ANKRD24: variants seen among roughly 807,000 people sequenced by gnomAD.
ANKRD24 encodes ankyrin repeat domain-containing protein 24.
Under a neutral mutation model 127.8 loss-of-function variants are expected in ANKRD24, and 109 were observed. That is an observed-to-expected ratio of 0.85 (90% CI 0.73 to 1.00). The LOEUF is 1.00. ANKRD24 is among the 50% of genes least tolerant of loss of function. The probability of loss-of-function intolerance (pLI) is 0.00; values close to 1 mark genes in which losing one functional copy is unlikely to be tolerated. For missense variants in ANKRD24, 1,648 were observed against 1,570.2 expected, an observed-to-expected ratio of 1.05 and a Z score of -0.84; for synonymous variants, 743 against 671.1, an observed-to-expected ratio of 1.11 and a Z score of -1.66.
chr19:4,221,063 C>G (rs1174258676), intron 19 of ANKRD24, among the ~76,000 whole-genome samples: 2 of 151,888 alleles, frequency 1.3e-5, no homozygotes, highest in Non-Finnish European at 2.9e-5. Context: ...GCCATCATGC[C>G]TGGCTAATTT....
intron 7 of ANKRD24, among the ~76,000 whole-genome samples, chr19:4,203,172 C>T (rs145126111): frequency 1.3e-5 from 2 of 151,802 alleles, no homozygotes; most frequent in Non-Finnish European, 2.9e-5. Flanking sequence ...CTCAGCCTCC[C>T]GAGTAGCTGG....
rs1377519693 is a variant in ANKRD24 at position 4,198,186 on chromosome 19, C to G, written c.37-1497C>G. On this transcript the variant is annotated intron_variant, in intron 2 of 21. Transcript: ENST00000318934. This position sits in a 1 kb window ranked among gnomAD's most constrained non-coding sequence, Gnocchi z 6.1. ...GGTGAGGGAGCCGGGCCCCCGGCGC[C>G]GCGTCCTCCTCATCCTCCAGGCGAC... 1 of 571,820 alleles carries G rather than the reference C, an allele frequency of 1.7e-6. No homozygotes were observed. Among genetic ancestry groups the G allele is most frequent in the East Asian group, 3.4e-5 (1 of 29,300 alleles). The allele number at this position is 571,820 out of a possible 1,614,324, so 35.4% of individuals were successfully genotyped here. A position where few individuals can be genotyped will look rare whatever the true frequency, so the allele number is the denominator to read the frequency against.
In ANKRD24 at chr19:4,207,851, C is replaced by T. The variant is rs770312302; in HGVS notation, c.715C>T (p.Gln239Ter). 12 of 1,564,658 alleles carry T rather than the reference C, an allele frequency of 7.7e-6. No individual in the cohort carries two copies. Among genetic ancestry groups the T allele is most frequent in the African/African-American group, 6.9e-5 (5 of 72,862 alleles). Residue 239 changes from glutamine to a stop codon, truncating the protein, a stop_gained, in exon 10 of 22, where the codon CAG becomes TAG. Coordinates refer to ENST00000318934, the MANE Select transcript of ANKRD24 (RefSeq NM_001393985.1). LOFTEE classifies it high-confidence loss of function. ...TVEVLLQGGA[Q>*]PGITDALGQD... is the part of the protein sequence containing the mutation. ...GGAGGTCCTGCTGCAGGGCGGAGCC[C>T]AGCCGGGCATCACCGATGCGCTGGG...
At chr19:4,200,529 T>G (rs540614188) in intron 5 of ANKRD24, among the ~76,000 whole-genome samples, 2 of 151,812 alleles carry the variant, frequency 1.3e-5, no homozygotes, top group African/African-American at 2.4e-5. Context: ...TTTTCTTTTT[T>G]GGGGGGAGGG....
chr19:4,202,111 A>T, intron 6 of ANKRD24, 21 bp downstream of exon 6: 1 of 1,611,156 alleles, frequency 6.2e-7, no homozygotes, highest in Non-Finnish European at 8.5e-7. Context: ...GTCTTATCTC[A>T]GCTACTCCCT....
rs764184826 is a variant in ANKRD24 at position 4,202,931 on chromosome 19, G to A, written c.466+5G>A. The A allele has an allele frequency of 7.7e-6, 12 of 1,564,552 alleles. No homozygotes were observed. The highest frequency in any genetic ancestry group is 1.4e-5 in the African/African-American group (1 of 73,554). On this transcript the variant is annotated splice_donor_5th_base_variant and intron_variant, in intron 7 of 21. Transcript: ENST00000318934. The stretch of plus-strand genomic sequence containing the variant: ...GGACTGCCCTACACCATGCAGGTGG[G>A]TGCAGCCCAGCCCTGCCCTGACCCC...
chr19:4,188,573 G>C (rs1968199870), intron 2 of ANKRD24, among the ~76,000 whole-genome samples: 1 of 151,624 alleles, frequency 6.6e-6, no homozygotes, highest in Non-Finnish European at 1.5e-5. Flanking sequence ...GTACAGATGG[G>C]GTGTAGCTGT....
chr19:4,186,583 G>A lies in ANKRD24; in HGVS notation c.36+122G>A, dbSNP rs190678058. On this transcript the variant is annotated intron_variant, in intron 2 of 21. Coordinates refer to ENST00000318934, the MANE Select transcript of ANKRD24 (RefSeq NM_001393985.1). ...CACCTCTTCTCCTTTCCTCTCTGCTGCCCCCTAGCGTCATGACCTCCCCAC... is the reference window on the plus strand; with the variant it reads ...CACCTCTTCTCCTTTCCTCTCTGCTACCCCCTAGCGTCATGACCTCCCCAC... 3.2e-3 allele frequency: 3,710 copies of A among 1,156,974 alleles called. 4 individuals carry two copies. The highest frequency in any genetic ancestry group is 4.5e-3 in the Middle Eastern group (23 of 5,064). 71.7% of individuals were successfully genotyped at this position (1,156,974 alleles called of 1,614,324 possible).
At chr19:4,208,921 A>G (rs1969542277) in intron 11 of ANKRD24, 120 bp downstream of exon 11, 3 of 1,086,384 alleles carry the variant, frequency 2.8e-6, no homozygotes, top group Admixed American at 4.6e-5. Flanking sequence ...TTTGGAAAGA[A>G]TGCTACCTTC....
At chr19:4,194,136 A>G (rs74254911) in intron 2 of ANKRD24, among the ~76,000 whole-genome samples, 17,258 of 152,038 alleles carry the variant, frequency 0.11, 1,422 homozygotes, top group East Asian at 0.36. Flanking sequence ...AAAAAACTTT[A>G]TTTATGGACA....
At position 4,202,098 on chromosome 19, in the gene ANKRD24, A is replaced by G; in HGVS notation, c.408+8A>G. Reference sequence around the variant, plus strand: ...TTGAAGCAACTACTGCAGGTCATTTACTGTCTTATCTCAGCTACTCCCTTG... The same window carrying G: ...TTGAAGCAACTACTGCAGGTCATTTGCTGTCTTATCTCAGCTACTCCCTTG... On this transcript the variant is annotated splice_region_variant and intron_variant, in intron 6 of 21. Transcript: ENST00000318934. 1 of 1,613,534 alleles carries G rather than the reference A, an allele frequency of 6.2e-7. No individual in the cohort carries two copies. The highest frequency in any genetic ancestry group is 8.5e-7 in the Non-Finnish European group (1 of 1,179,580).
Position 4,222,720 on chromosome 19 carries a change from G to A in ANKRD24, c.3222G>A (p.Glu1074=), listed in dbSNP as rs759223835. ...TCAATCTTAAGGAAGCCTTGAAGGAGCAGCCGGCCGCCCTCGCCACCCCTG... is the reference window on the plus strand; with the variant it reads ...TCAATCTTAAGGAAGCCTTGAAGGAACAGCCGGCCGCCCTCGCCACCCCTG... The part of the protein sequence containing the change: ...EVFNLKEALK[E]QPAALATPEV... Residue 1074 remains glutamate (E), a synonymous_variant, in exon 20 of 22, where the codon GAG becomes GAA. Transcript: ENST00000318934. 4 of 1,612,360 alleles carry A rather than the reference G, an allele frequency of 2.5e-6. No homozygotes were observed. Among genetic ancestry groups the A allele is most frequent in the Admixed American group, 1.7e-5 (1 of 59,834 alleles).
chr19:4,209,424 T>G (rs111291183), intron 11 of ANKRD24, among the ~76,000 whole-genome samples: 9,064 of 148,476 alleles, frequency 0.061, 768 homozygotes, highest in African/African-American at 0.2. Flanking sequence ...CTAGTTTTTT[T>G]TTTTTGTTGT....
chr19:4,198,543 G>A lies in ANKRD24; in HGVS notation c.37-1140G>A, dbSNP rs1968903685. 3.5e-6 allele frequency: 2 copies of A among 569,842 alleles called. No individual in the cohort carries two copies. Among genetic ancestry groups the A allele is most frequent in the Non-Finnish European group, 6.3e-6 (2 of 317,928 alleles). The allele number at this position is 569,842 out of a possible 1,614,324, so 35.3% of individuals were successfully genotyped here. A position where few individuals can be genotyped will look rare whatever the true frequency, so the allele number is the denominator to read the frequency against. On this transcript the variant is annotated intron_variant, in intron 2 of 21. Transcript: ENST00000318934. This position sits in a 1 kb window ranked among gnomAD's most constrained non-coding sequence, Gnocchi z 6.1. ...GCCGCCTCCTTCGCGGTAGGGCCCG[G>A]GGAGGGGGCGCAGGAGCGGGCGGGG...
intron 1 of ANKRD24, among the ~76,000 whole-genome samples, chr19:4,184,599 C>T (rs917343205): frequency 5.3e-5 from 8 of 152,198 alleles, no homozygotes; most frequent in African/African-American, 1.9e-4. Flanking sequence ...ATTTAGCAGG[C>T]GTTTCTCCCT....
rs1970104383 is a variant in ANKRD24 at position 4,216,817 on chromosome 19, G to A, written c.1657G>A (p.Glu553Lys). The A allele has an allele frequency of 1.9e-6, 3 of 1,606,672 alleles. No homozygotes were observed. Among genetic ancestry groups the A allele is most frequent in the South Asian group, 2.2e-5 (2 of 89,812 alleles). ...GGAGCTAAATGGCTCAGTGGCTCCA[G>A]AAACCAAAGTTAACGGAGCCGAGAC... ...HMELNGSVAP[E>K]TKVNGAETID... The change falls in exon 18 of 22, where the codon GAA becomes AAA. Residue 553 changes from glutamate (E) to lysine (K), a missense_variant. Glu to Lys is a moderately conservative substitution (Grantham distance 56, BLOSUM62 1). Coordinates refer to ENST00000318934, the MANE Select transcript of ANKRD24 (RefSeq NM_001393985.1).
At chr19:4,205,388 T>G (rs757355554) in intron 7 of ANKRD24, among the ~76,000 whole-genome samples, 2 of 152,244 alleles carry the variant, frequency 1.3e-5, no homozygotes, top group African/African-American at 4.8e-5. Flanking sequence ...GTTTGTTGAC[T>G]GAAAAATGGA....
intron 2 of ANKRD24, among the ~76,000 whole-genome samples, chr19:4,192,008 C>G (rs1000247402): frequency 6.6e-6 from 1 of 150,542 alleles, no homozygotes; most frequent in African/African-American, 2.5e-5. Context: ...AGGCTGGTCT[C>G]AAACTACTGA....
rs1197547674 is a variant in ANKRD24 at position 4,216,780 on chromosome 19, G to T, written c.1620G>T (p.Gly540=). 6.3e-7 allele frequency: 1 copy of T among 1,597,092 alleles called. No homozygotes were observed. Among genetic ancestry groups the T allele is most frequent in the Admixed American group, 1.8e-5 (1 of 56,700 alleles). The change falls in exon 18 of 22, where the codon GGG becomes GGT. Residue 540 remains glycine, a synonymous_variant. Coordinates refer to ENST00000318934, the MANE Select transcript of ANKRD24 (RefSeq NM_001393985.1). The part of the protein sequence containing the change: ...EVAGATATKN[G]PTHMELNGSV... ...CTGGAGCCACGGCCACCAAAAACGG[G>T]CCAACCCACATGGAGCTAAATGGCT...
Sources: gnomAD v4.1 joint callset for allele counts (sites outside exome capture counted in the v4.1 genomes callset) on GRCh38, gnomAD v4.1.1 for gene constraint, Gnocchi (gnomAD v3.1) non-coding constraint, MANE v1.5 for transcripts, NCBI Gene and HGNC (gene_info 2026-07-23, HGNC 2026-07-21) for gene names.